Variants in ANO4 observed in about 807,000 individuals in gnomAD.
ANO4 encodes the protein anoctamin-4.
A neutral mutation model predicts 141.9 loss-of-function variants in ANO4; 69 were observed. The observed-to-expected ratio is 0.49, with a 90% confidence interval of 0.40 to 0.59. The LOEUF is 0.59. Among genes scored for constraint, ANO4 ranks in the 20% least tolerant of loss-of-function variants. ANO4 has a pLI of 0.00. For synonymous variants in ANO4, 350 were observed against 394.3 expected (o/e 0.89, Z 1.33); for missense variants, 894 against 1,162.2 (o/e 0.77, Z 3.36).
intron 1 of ANO4, among the ~76,000 whole-genome samples, chr12:100,878,596 A>G (rs756914921): frequency 5.3e-5 from 8 of 152,166 alleles, no homozygotes; most frequent in Non-Finnish European, 7.4e-5. Context: ...GTCTTCCTCT[A>G]CCCATAAAAA....
chr12:100,776,755 C>T (rs908590457), intron 3 of ANO4, among the ~76,000 whole-genome samples: 6 of 152,112 alleles, frequency 3.9e-5, no homozygotes, highest in African/African-American at 1.2e-4. Context: ...AAATACTAAG[C>T]CAACAAGAGG....
intron 5 of ANO4, among the ~76,000 whole-genome samples, chr12:100,955,710 G>A (rs931797568): frequency 2.0e-5 from 3 of 152,204 alleles, no homozygotes; most frequent in African/African-American, 7.2e-5. Context: ...AATACAGTTT[G>A]AAAAGTTCTA....
At chr12:100,978,635 A>G (rs775896508) in intron 7 of ANO4, among the ~76,000 whole-genome samples, 1 of 152,184 alleles carries the variant, frequency 6.6e-6, no homozygotes, top group Non-Finnish European at 1.5e-5. Context: ...TGCCCCCTGG[A>G]TGGATAAAAA....
chr12:100,734,201 CT>C (rs1228262450), intron 2 of ANO4, among the ~76,000 whole-genome samples: 2 of 152,204 alleles, frequency 1.3e-5, no homozygotes, highest in South Asian at 4.1e-4. Flanking sequence ...TTATATTAAT[CT>C]ATTTTTAAAA....
At chr12:100,923,207 T>A (rs2041708488) in intron 3 of ANO4, among the ~76,000 whole-genome samples, 1 of 152,272 alleles carries the variant, frequency 6.6e-6, no homozygotes, top group South Asian at 2.1e-4. Flanking sequence ...TACATAGGTA[T>A]ACATGTGCCA....
chr12:101,067,159 C>T (rs1244589624), intron 14 of ANO4: 1 of 290,366 alleles, frequency 3.4e-6, no homozygotes, highest in African/African-American at 2.2e-5. Context: ...ATTTCATCTA[C>T]CTACTAGAGT....
chr12:101,106,043 T>G (rs945644210), intron 22 of ANO4, among the ~76,000 whole-genome samples: 16 of 151,990 alleles, frequency 1.1e-4, no homozygotes, highest in Non-Finnish European at 1.9e-4. Context: ...GAAGTGGAGG[T>G]TGCAGTGAGC....
chr12:100,803,823 C>G (rs1285920383), intron 1 of ANO4, among the ~76,000 whole-genome samples: 1 of 152,156 alleles, frequency 6.6e-6, no homozygotes, highest in African/African-American at 2.4e-5. Context: ...AGCACAGTGC[C>G]TGCAAGATGA....
At chr12:101,127,518 G>T (rs1317232946) in intron 27 of ANO4, among the ~76,000 whole-genome samples, 1 of 152,208 alleles carries the variant, frequency 6.6e-6, no homozygotes, top group Non-Finnish European at 1.5e-5. Context: ...GTCCTGGGCT[G>T]CAGGACCAGT....
intron 1 of ANO4, among the ~76,000 whole-genome samples, chr12:100,817,549 G>A (rs182889217): frequency 6.7e-4 from 102 of 151,946 alleles, no homozygotes; most frequent in African/African-American, 2.3e-3. Flanking sequence ...TATAATTACC[G>A]AGTCTCCTTA....
Position 100,806,519 on chromosome 12 carries a change from G to T in ANO4, c.-141+11492G>T, listed in dbSNP as rs797014827. 2.5e-3 allele frequency among the ~76,000 whole-genome samples: 88 copies of T among 34,670 alleles called. 1 individual carries two copies. Among genetic ancestry groups the T allele is most frequent in the Admixed American group, 3.7e-3 (10 of 2,736 alleles). 22.7% of individuals were successfully genotyped at this position (34,670 alleles called of 152,430 possible). A position where few individuals can be genotyped will look rare whatever the true frequency, so the allele number is the denominator to read the frequency against. ...TTGATTTTTAGGAGGTTTTTTTTTTGTTTCGTTTTTTTTTTTTTTTTTTTT... is the reference window on the plus strand; with the variant it reads ...TTGATTTTTAGGAGGTTTTTTTTTTTTTTCGTTTTTTTTTTTTTTTTTTTT... On this transcript the variant is annotated intron_variant, in intron 1 of 27. Transcript: ENST00000392977.
intron 15 of ANO4, among the ~76,000 whole-genome samples, chr12:101,081,586 A>T (rs1871448960): frequency 6.6e-6 from 1 of 152,212 alleles, no homozygotes; most frequent in South Asian, 2.1e-4. Context: ...CTTATTGTGC[A>T]GAAAAACCCA....
intron 1 of ANO4, among the ~76,000 whole-genome samples, chr12:100,899,878 T>C (rs12302937): frequency 0.025 from 3,782 of 152,272 alleles, 163 homozygotes; most frequent in African/African-American, 0.086. Context: ...AGATACTGTT[T>C]TATATCCCAT....
chr12:101,103,393 C>G (rs1253753497), intron 22 of ANO4, among the ~76,000 whole-genome samples: 1 of 150,442 alleles, frequency 6.6e-6, no homozygotes, highest in Non-Finnish European at 1.5e-5. Context: ...TTATTATTTC[C>G]TTAAAGAAGT....
chr12:100,991,268 A>G (rs921347111), intron 8 of ANO4, among the ~76,000 whole-genome samples: 1 of 152,146 alleles, frequency 6.6e-6, no homozygotes, highest in Non-Finnish European at 1.5e-5. Flanking sequence ...TACAATCAGA[A>G]AAGAATTCCC....
At chr12:101,032,882 A>G (rs1435321684) in intron 9 of ANO4, among the ~76,000 whole-genome samples, 4 of 151,692 alleles carry the variant, frequency 2.6e-5, no homozygotes, top group Non-Finnish European at 2.9e-5. Context: ...ACTGTAAACT[A>G]GTTCAACCCT....
At chr12:100,859,230 G>A (rs1398093703) in intron 1 of ANO4, 1 of 152,120 alleles carries the variant, frequency 6.6e-6, no homozygotes, top group Non-Finnish European at 1.5e-5. Context: ...ACTTGTTTTA[G>A]CCAGTTAAAT....
Position 101,054,746 on chromosome 12 carries a change from C to T in ANO4, c.1312+6345C>T, listed in dbSNP as rs149545329. Among the ~76,000 whole-genome samples the T allele has an allele frequency of 6.4e-4, 98 of 152,310 alleles. 3 individuals carry two copies. The East Asian group carries it at 0.016, about 24-fold the overall frequency. On this transcript the variant is annotated intron_variant, in intron 14 of 27. Coordinates refer to ENST00000392977, the MANE Select transcript of ANO4 (RefSeq NM_001286615.2). ...GGATCTTCTGACCTTGTGATCCGCC[C>T]GCCTTGGCCTCCCAAAGTGTGGGAG...
At chr12:101,112,113 C>A (rs982743089) in intron 24 of ANO4, among the ~76,000 whole-genome samples, 5 of 152,148 alleles carry the variant, frequency 3.3e-5, no homozygotes, top group Non-Finnish European at 4.4e-5. Flanking sequence ...CAGTTACAAT[C>A]TGATTTACAT....
Sources: gnomAD v4.1 joint callset for allele counts (sites outside exome capture counted in the v4.1 genomes callset) on GRCh38, gnomAD v4.1.1 for gene constraint, MANE v1.5 for transcripts, NCBI Gene and HGNC (gene_info 2026-07-23, HGNC 2026-07-21) for gene names.